PALM2AKAP2: variants seen among roughly 807,000 people sequenced by gnomAD.
PALM2AKAP2 encodes the protein PALM2 and AKAP2 fusion.
Under a neutral mutation model 71.5 loss-of-function variants are expected in PALM2AKAP2, and 37 were observed. The observed-to-expected ratio is 0.52, with a 90% CI of 0.40 to 0.68. PALM2AKAP2 has a LOEUF of 0.68. Ranked by LOEUF, PALM2AKAP2 falls within the 30% of genes least tolerant of loss-of-function variation. The pLI is 0.00. For synonymous variants in PALM2AKAP2, 468 were observed against 478.8 expected (o/e 0.98, Z 0.29); for missense variants, 1,224 against 1,191.8 (o/e 1.03, Z -0.40).
chr9:109,807,387 G>T (rs1473122897), intron 1 of PALM2AKAP2, among the ~76,000 whole-genome samples: 1 of 152,180 alleles, frequency 6.6e-6, no homozygotes, highest in African/African-American at 2.4e-5. Flanking sequence ...CATAGACTGG[G>T]TGGCTTATAT....
upstream of PALM2AKAP2, among the ~76,000 whole-genome samples, chr9:110,045,356 C>A (rs1833577561): frequency 6.6e-6 from 1 of 152,086 alleles, no homozygotes; most frequent in African/African-American, 2.4e-5. Context: ...ATAAAATATT[C>A]TCAGCTCTAA....
intron 7 of PALM2AKAP2, among the ~76,000 whole-genome samples, chr9:110,020,940 T>C (rs1833063663): frequency 6.6e-6 from 1 of 152,014 alleles, no homozygotes; most frequent in East Asian, 1.9e-4. Context: ...AAACCCTGTC[T>C]CTACTAAAAA....
intron 1 of PALM2AKAP2, among the ~76,000 whole-genome samples, chr9:109,654,750 G>GGTGTGTGTGTGTGT (rs374397482): frequency 0.02 from 2,964 of 147,242 alleles, 87 homozygotes; most frequent in African/African-American, 0.063. Context: ...GTATGTGTAT[G>GGTGTGTGTGTGTGT]GTGTGTGTGT....
rs114810464 is a variant in PALM2AKAP2 at position 109,785,713 on chromosome 9, C to T, written c.45+5180C>T. Among the ~76,000 whole-genome samples, 685 of 152,196 alleles carry T rather than the reference C, an allele frequency of 4.5e-3. 3 individuals carry two copies. The highest frequency in any genetic ancestry group is 0.016 in the African/African-American group (644 of 41,520). ...AAGAACAGCATGGGAAAGACATGTC[C>T]CCGTGATTCAATTACCTCCTACCAT... On this transcript the variant is annotated intron_variant, in intron 1 of 9. Transcript: ENST00000302798.
At chr9:109,843,219 C>T (rs1828754637) in intron 1 of PALM2AKAP2, among the ~76,000 whole-genome samples, 1 of 143,706 alleles carries the variant, frequency 7.0e-6, no homozygotes, top group Non-Finnish European at 1.5e-5. Flanking sequence ...AGAGGATCAC[C>T]TGAGCCCAGG....
chr9:110,156,325 TAG>T lies in PALM2AKAP2; in HGVS notation c.2580_2581del (p.Lys861SerfsTer10), dbSNP rs779369878. 6.4e-7 allele frequency: 1 copy of T among 1,573,322 alleles called. No individual in the cohort carries two copies. On this transcript the variant is annotated frameshift_variant, in exon 3 of 4. Transcript: ENST00000374525. LOFTEE classifies it high-confidence loss of function. ...TTTCTTCGTGTTGTTTCAGGGAAAA[TAG>T]AGAAAGTCAAACCTCCTCCATCCCC...
rs118071011 is a variant in PALM2AKAP2 at position 110,106,039 on chromosome 9, G to A, written c.157-30088G>A. Among the ~76,000 whole-genome samples, 711 of 152,246 alleles carry A rather than the reference G, an allele frequency of 4.7e-3. 6 individuals are homozygous for A. The highest frequency in any genetic ancestry group is 0.034 in the Middle Eastern group (10 of 294). ...GAGCCAAATTCACTACTCTGACTTT[G>A]CATAATATAAATACAGATATCCTTA... On this transcript the variant is annotated intron_variant, in intron 1 of 3. Transcript: ENST00000374525.
intron 1 of PALM2AKAP2, among the ~76,000 whole-genome samples, chr9:109,858,327 T>C (rs1368307598): frequency 2.0e-5 from 3 of 149,698 alleles, no homozygotes; most frequent in Admixed American, 6.6e-5. Context: ...GTGACCACTA[T>C]GTAAATGTTT....
exon 1 of PALM2AKAP2, chr9:110,048,715 C>G (rs1210318841): frequency 5.2e-6 from 8 of 1,547,538 alleles, no homozygotes; most frequent in Non-Finnish European, 6.9e-6. Flanking sequence ...CTGGCCCCAG[C>G]CCGGGGCTGC....
At chr9:110,007,064 G>A (rs980395120) in intron 6 of PALM2AKAP2, among the ~76,000 whole-genome samples, 2 of 152,118 alleles carry the variant, frequency 1.3e-5, no homozygotes, top group East Asian at 3.9e-4. Flanking sequence ...TTTGGGGAAA[G>A]CTTCTTTTTT....
At chr9:110,159,623 G>A (rs7859602) in intron 3 of PALM2AKAP2, among the ~76,000 whole-genome samples, 88,159 of 152,100 alleles carry the variant, frequency 0.58, 26,780 homozygotes, top group East Asian at 0.86. Context: ...AGACACAATG[G>A]TATCGAGGAG....
At chr9:109,741,044 ATCTGGCAATTTTATAC>A (rs1360954845) in intron 1 of PALM2AKAP2, among the ~76,000 whole-genome samples, 1 of 152,192 alleles carries the variant, frequency 6.6e-6, no homozygotes, top group African/African-American at 2.4e-5. Flanking sequence ...TTTTGAAGGT[ATCTGGCAATTTTATAC>A]TCTGCAACTA....
At chr9:110,151,541 T>C (rs1836314734) in intron 2 of PALM2AKAP2, among the ~76,000 whole-genome samples, 1 of 152,218 alleles carries the variant, frequency 6.6e-6, no homozygotes, top group African/African-American at 2.4e-5. Flanking sequence ...CAAGCTTAAT[T>C]TGACCAAAGA....
At chr9:109,756,085 A>G (rs984545900) in intron 1 of PALM2AKAP2, among the ~76,000 whole-genome samples, 6 of 152,192 alleles carry the variant, frequency 3.9e-5, no homozygotes, top group African/African-American at 1.4e-4. Context: ...CAATGGGTAT[A>G]TATAGTTATA....
intron 1 of PALM2AKAP2, among the ~76,000 whole-genome samples, chr9:109,786,995 C>T (rs1317972079): frequency 1.3e-5 from 2 of 152,214 alleles, no homozygotes; most frequent in African/African-American, 4.8e-5. Context: ...TGTTGATGAA[C>T]TTGCTTGGCA....
intron 1 of PALM2AKAP2, chr9:110,090,226 G>A: frequency 2.5e-6 from 1 of 398,752 alleles, no homozygotes; most frequent in Non-Finnish European, 5.1e-6. Context: ...CAGGATGCGA[G>A]CTCAGTCCTG....
At chr9:110,038,935 C>CAAAA (rs71373959) in intron 7 of PALM2AKAP2, among the ~76,000 whole-genome samples, 13 of 78,374 alleles carry the variant, frequency 1.7e-4, no homozygotes, top group East Asian at 3.7e-4. Flanking sequence ...AACTCGGTCT[C>CAAAA]AAAAAAAAAA....
At chr9:109,733,827 T>G (rs764529282) in intron 1 of PALM2AKAP2, among the ~76,000 whole-genome samples, 2 of 152,234 alleles carry the variant, frequency 1.3e-5, no homozygotes, top group Non-Finnish European at 2.9e-5. Flanking sequence ...GAAAGACTTT[T>G]GTTTTTGATG....
intron 6 of PALM2AKAP2, among the ~76,000 whole-genome samples, chr9:110,014,593 T>C (rs58589621): frequency 0.017 from 2,612 of 151,114 alleles, 61 homozygotes; most frequent in African/African-American, 0.054. Context: ...GACAACATGG[T>C]GAAACCCTGT....
Sources: gnomAD v4.1 joint callset for allele counts (sites outside exome capture counted in the v4.1 genomes callset) on GRCh38, gnomAD v4.1.1 for gene constraint, MANE v1.5 for transcripts, NCBI Gene and HGNC (gene_info 2026-07-23, HGNC 2026-07-21) for gene names.